Variants in PLA2R1 observed in about 807,000 individuals in gnomAD.
The protein encoded by PLA2R1 is secretory phospholipase A2 receptor.
In PLA2R1, 158 loss-of-function variants were observed where a neutral mutation model predicts 195.9. The ratio of observed to expected loss-of-function variants is 0.81; its 90% CI spans 0.71 to 0.92. PLA2R1 has a LOEUF of 0.92. Ranked by LOEUF, PLA2R1 falls within the 40% of genes least tolerant of loss-of-function variation. PLA2R1 has a pLI of 0.00. For missense variants in PLA2R1, 1,626 were observed against 1,764.6 expected (o/e 0.92, Z 1.41); for synonymous variants, 586 against 598.2 (o/e 0.98, Z 0.30).
chr2:159,994,313 T>G (rs1437612132), intron 11 of PLA2R1, among the ~76,000 whole-genome samples: 1 of 151,970 alleles, frequency 6.6e-6, no homozygotes, highest in African/African-American at 2.4e-5. Flanking sequence ...ACATTTGCAT[T>G]AACAAATAAA....
At chr2:159,974,014 C>G (rs1184031646) in intron 17 of PLA2R1, among the ~76,000 whole-genome samples, 1 of 152,050 alleles carries the variant, frequency 6.6e-6, no homozygotes, top group Non-Finnish European at 1.5e-5. Context: ...ATTGGCTTCC[C>G]AACTTCCAAA....
intron 11 of PLA2R1, among the ~76,000 whole-genome samples, chr2:159,989,431 C>G (rs1375639314): frequency 6.6e-6 from 1 of 152,176 alleles, no homozygotes; most frequent in Non-Finnish European, 1.5e-5. Context: ...ACATCCTGCT[C>G]CATTCCCCCG....
In PLA2R1 at chr2:159,945,872, T is replaced by C. The variant is rs941547659; in HGVS notation, c.3968-790A>G. ...CTTATTTAGGTCATTTAGGTTATCA[T>C]GTTTCTTAATGTGACAGTTTGAATT... On this transcript the variant is annotated intron_variant, in intron 27 of 29. Transcript: ENST00000283243. 4.5e-6 allele frequency: 4 copies of C among 894,870 alleles called. No homozygotes were observed. The African/African-American group carries it at 5.4e-5, about 12-fold the overall frequency. 55.4% of individuals were successfully genotyped at this position (894,870 alleles called of 1,614,324 possible). A position where few individuals can be genotyped will look rare whatever the true frequency, so the allele number is the denominator to read the frequency against.
At chr2:160,036,909 C>G (rs1317926564) in intron 3 of PLA2R1, among the ~76,000 whole-genome samples, 1 of 152,082 alleles carries the variant, frequency 6.6e-6, no homozygotes, top group Admixed American at 6.5e-5. Flanking sequence ...GGGGAGGTGG[C>G]GAATTCTTCT....
In PLA2R1 at chr2:159,935,284, C is replaced by A. The variant is rs1178748952; in HGVS notation, c.*6494G>T. The A allele has an allele frequency of 6.6e-6, 1 of 152,186 alleles. No homozygotes were observed. Among genetic ancestry groups the A allele is most frequent in the Admixed American group, 6.5e-5 (1 of 15,284 alleles). 9.4% of individuals were successfully genotyped at this position (152,186 alleles called of 1,614,324 possible). On this transcript the variant is annotated 3_prime_UTR_variant, in exon 30 of 30. Transcript: ENST00000283243. ...AATACTCTAAGGTTATGCAAATATT[C>A]TGTTTTTCCTCAAACATTCACCCAC... is the stretch of plus-strand genomic sequence containing the variant.
Position 160,005,694 on chromosome 2 carries a change from G to T in PLA2R1, c.1792C>A (p.Pro598Thr). ...CAGTGTGTGTACTGCACCGGCTCGG[G>T]TTTCTGCCCTACTGGCTTCCAAGTG... ...EYTWKPVGQK[P>T]EPVQYTHWNT... The change falls in exon 11 of 30, where the codon CCC becomes ACC. Residue 598 changes from proline to threonine, a missense_variant. Transcript: ENST00000283243. The T allele has an allele frequency of 6.2e-7, 1 of 1,614,050 alleles. No homozygotes were observed. Among genetic ancestry groups the T allele is most frequent in the Non-Finnish European group, 8.5e-7 (1 of 1,179,970 alleles).
chr2:159,969,230 A>G (rs1003332882), intron 19 of PLA2R1, 26 bp downstream of exon 19: 10 of 1,217,780 alleles, frequency 8.2e-6, no homozygotes, highest in East Asian at 2.3e-5. Context: ...TGTATTATAA[A>G]CCCAAAAATG....
chr2:160,035,772 A>T (rs1694129943), intron 3 of PLA2R1, among the ~76,000 whole-genome samples: 1 of 152,174 alleles, frequency 6.6e-6, no homozygotes, highest in Non-Finnish European at 1.5e-5. Flanking sequence ...TGACTTGGGA[A>T]GTGTTTCATC....
intron 11 of PLA2R1, among the ~76,000 whole-genome samples, chr2:159,988,374 T>G (rs1462298819): frequency 5.3e-5 from 8 of 149,586 alleles, no homozygotes. Context: ...AAAAAAAGGA[T>G]GAAGCAAAGC....
intron 28 of PLA2R1, among the ~76,000 whole-genome samples, chr2:159,942,669 T>G (rs900818786): frequency 2.0e-5 from 3 of 152,206 alleles, no homozygotes; most frequent in African/African-American, 7.2e-5. Context: ...ATCTCATGGG[T>G]CTTGGGGAAT....
intron 1 of PLA2R1, among the ~76,000 whole-genome samples, chr2:160,059,156 G>C (rs1175488630): frequency 6.6e-6 from 1 of 152,172 alleles, no homozygotes; most frequent in Non-Finnish European, 1.5e-5. Context: ...AGGAGGTGGA[G>C]CTCAGACAGT....
At chr2:160,003,388 C>A (rs1242276574) in intron 11 of PLA2R1, among the ~76,000 whole-genome samples, 1 of 151,576 alleles carries the variant, frequency 6.6e-6, no homozygotes, top group Non-Finnish European at 1.5e-5. Context: ...AATTAAAAGG[C>A]AAATAGCAAA....
rs113757283 is a variant in PLA2R1, at chr2:159,977,704, A to G, written c.2269-288T>C. 4.1e-3 allele frequency among the ~76,000 whole-genome samples: 619 copies of G among 152,204 alleles called. 2 individuals are homozygous for G. Among genetic ancestry groups the G allele is most frequent in the African/African-American group, 0.014 (567 of 41,536 alleles). On this transcript the variant is annotated intron_variant, in intron 14 of 29. Transcript: ENST00000283243. ...TGTAATCCCAGCACTTTGGGAGGCC[A>G]AGGTGGGCAGATCACAAGCTCAGGA...
chr2:159,962,735 G>C (rs1688531519), intron 20 of PLA2R1, among the ~76,000 whole-genome samples: 2 of 152,180 alleles, frequency 1.3e-5, no homozygotes. Context: ...TCCTTTGCAG[G>C]GACATGGATG....
At position 160,033,002 on chromosome 2, in the gene PLA2R1, C is replaced by A. The variant is rs543854501; in HGVS notation, c.798G>T (p.Thr266=). ...AHSSCQMQGG[T]LLSITDETEE... ...CAGTTTCATCTGTAATACTTAACAGCGTACCTCCTTGCATCTGGCATGAAG... is the reference window on the plus strand; with the variant it reads ...CAGTTTCATCTGTAATACTTAACAGAGTACCTCCTTGCATCTGGCATGAAG... Residue 266 remains threonine, a synonymous_variant, in exon 4 of 30, where the codon ACG becomes ACT. Transcript: ENST00000283243. 1.2e-6 allele frequency: 2 copies of A among 1,613,244 alleles called. No homozygotes were observed. The highest frequency in any genetic ancestry group is 2.7e-5 in the African/African-American group (2 of 74,872).
intron 11 of PLA2R1, among the ~76,000 whole-genome samples, chr2:160,001,386 AAG>A (rs1413380431): frequency 2.0e-5 from 3 of 152,044 alleles, no homozygotes; most frequent in African/African-American, 7.2e-5. Flanking sequence ...GATGGCAAGA[AAG>A]AAGAGAAAAC....
chr2:160,007,526 C>T (rs923991982), intron 10 of PLA2R1, among the ~76,000 whole-genome samples: 1 of 152,208 alleles, frequency 6.6e-6, no homozygotes, highest in Admixed American at 6.5e-5. Context: ...AAGAGCACAC[C>T]GACAGGCACT....
intron 1 of PLA2R1, among the ~76,000 whole-genome samples, chr2:160,054,871 T>C (rs1227575049): frequency 6.6e-6 from 1 of 151,850 alleles, no homozygotes; most frequent in Non-Finnish European, 1.5e-5. Flanking sequence ...TAAAAAAAAA[T>C]GGAGGGAAGG....
Position 159,955,280 on chromosome 2 carries a change from G to A in PLA2R1, c.3220C>T (p.Pro1074Ser). ...IPLCALLSSN[P>S]NFHFTGKWYF... ...CATTTTCCAGTGAAATGAAAATTAG[G>A]ATTACTTGAGAGTAAGGCACAGAGA... The change falls in exon 23 of 30, where the codon CCT becomes TCT. Residue 1074 changes from proline to serine, a missense_variant. Coordinates refer to ENST00000283243, the MANE Select transcript of PLA2R1 (RefSeq NM_007366.5). The A allele has an allele frequency of 6.2e-7, 1 of 1,605,814 alleles. No individual in the cohort carries two copies. The highest frequency in any genetic ancestry group is 8.5e-7 in the Non-Finnish European group (1 of 1,173,042).
Sources: gnomAD v4.1 joint callset for allele counts (sites outside exome capture counted in the v4.1 genomes callset) on GRCh38, gnomAD v4.1.1 for gene constraint, MANE v1.5 for transcripts, NCBI Gene and HGNC (gene_info 2026-07-23, HGNC 2026-07-21) for gene names.